BAZ1B: variants seen among roughly 807,000 people sequenced by gnomAD.
The protein encoded by BAZ1B is bromodomain adjacent to zinc finger domain 1B, also known as tyrosine-protein kinase BAZ1B.
A neutral mutation model predicts 153.8 loss-of-function variants in BAZ1B; 22 were observed. The observed-to-expected ratio is 0.14, with a 90% CI of 0.10 to 0.20. The LOEUF (loss-of-function observed/expected upper bound fraction) is 0.20, where lower values mean the gene tolerates loss of function less well. BAZ1B is among the 10% of genes least tolerant of loss of function. The probability of loss-of-function intolerance (pLI) is 1.00; values close to 1 mark genes in which losing one functional copy is unlikely to be tolerated. For synonymous variants in BAZ1B, 676 were observed against 633.4 expected (o/e 1.07, Z -1.01); for missense variants, 1,325 against 1,799.3 (o/e 0.74, Z 4.77).
chr7:73,497,083 A>AAAAAAAAAAAAAAAC (rs1789938059), intron 4 of BAZ1B, among the ~76,000 whole-genome samples: 2 of 150,024 alleles, frequency 1.3e-5, no homozygotes, highest in South Asian at 2.1e-4. Context: ...AAAAAAAAAA[A>AAAAAAAAAAAAAAAC]CCTACAAAAA....
intron 13 of BAZ1B, 119 bp from the exon 14 acceptor site, chr7:73,451,113 A>G (rs1302957581): frequency 7.9e-7 from 1 of 1,258,418 alleles, no homozygotes; most frequent in Admixed American, 2.8e-5. Context: ...GAACTTCACT[A>G]ATCTAAACCA....
chr7:73,514,885 G>T (rs781837297), intron 1 of BAZ1B, among the ~76,000 whole-genome samples: 32 of 151,954 alleles, frequency 2.1e-4, no homozygotes, highest in Non-Finnish European at 3.8e-4. Context: ...TTCAAGACCA[G>T]CCTGGCCAAG....
chr7:73,468,281 C>A (rs1325478362), intron 9 of BAZ1B, among the ~76,000 whole-genome samples: 1 of 152,092 alleles, frequency 6.6e-6, no homozygotes, highest in Non-Finnish European at 1.5e-5. Flanking sequence ...CCACATGTAT[C>A]TGGCAGGATT....
At chr7:73,454,302 GT>G (rs1788119469) in intron 13 of BAZ1B, among the ~76,000 whole-genome samples, 1 of 151,986 alleles carries the variant, frequency 6.6e-6, no homozygotes, top group African/African-American at 2.4e-5. Context: ...ATCCCAAAAA[GT>G]AAAGACATTT....
chr7:73,518,321 G>C (rs1453824803), intron 1 of BAZ1B, among the ~76,000 whole-genome samples: 1 of 151,916 alleles, frequency 6.6e-6, no homozygotes, highest in Non-Finnish European at 1.5e-5. Flanking sequence ...GCTGAGGCAG[G>C]AAAATGGCGT....
At chr7:73,513,427 C>T (rs1215379827) in intron 1 of BAZ1B, among the ~76,000 whole-genome samples, 1 of 152,090 alleles carries the variant, frequency 6.6e-6, no homozygotes, top group African/African-American at 2.4e-5. Context: ...ATCCATTTTC[C>T]TTACAGGGGT....
At chr7:73,454,362 T>C (rs782634275) in intron 13 of BAZ1B, among the ~76,000 whole-genome samples, 32 of 152,252 alleles carry the variant, frequency 2.1e-4, no homozygotes, top group Non-Finnish European at 4.4e-4. Flanking sequence ...CCCAGCAAGA[T>C]AATGACACAC....
chr7:73,461,068 C>T (rs1031180063), intron 12 of BAZ1B, among the ~76,000 whole-genome samples: 4 of 152,016 alleles, frequency 2.6e-5, no homozygotes, highest in East Asian at 1.9e-4. Flanking sequence ...CTCCGCCTCC[C>T]GGGTTTAAGC....
intron 2 of BAZ1B, among the ~76,000 whole-genome samples, chr7:73,509,481 A>C (rs1026899997): frequency 6.6e-6 from 1 of 152,166 alleles, no homozygotes; most frequent in African/African-American, 2.4e-5. Context: ...GCACTTTGAA[A>C]GGCACAGGTG....
intron 3 of BAZ1B, among the ~76,000 whole-genome samples, chr7:73,506,963 C>A (rs1349568570): frequency 1.4e-5 from 2 of 145,708 alleles, no homozygotes; most frequent in Non-Finnish European, 3.0e-5. Flanking sequence ...ACTGCAACCT[C>A]CGCCTCCCAG....
At chr7:73,455,470 T>C (rs1240637017) in intron 13 of BAZ1B, among the ~76,000 whole-genome samples, 1 of 152,174 alleles carries the variant, frequency 6.6e-6, no homozygotes, top group Non-Finnish European at 1.5e-5. Flanking sequence ...TATTTATTAA[T>C]AAGTAATACA....
At chr7:73,455,675 G>T (rs1788169791) in intron 13 of BAZ1B, among the ~76,000 whole-genome samples, 1 of 152,100 alleles carries the variant, frequency 6.6e-6, no homozygotes, top group Admixed American at 6.6e-5. Context: ...CAGGTACTCA[G>T]GGCAGGCTAA....
Position 73,451,007 on chromosome 7 carries a change from C to G in BAZ1B, c.3433-13G>C. On this transcript the variant is annotated splice_polypyrimidine_tract_variant and intron_variant, in intron 13 of 19. Coordinates refer to ENST00000339594, the MANE Select transcript of BAZ1B (RefSeq NM_032408.4). ...GTGCAGATGCAACCTAAACAGAGAC[C>G]AAACCAGGCCAGCATTACTACACTG... The G allele has an allele frequency of 1.2e-6, 2 of 1,613,534 alleles. No homozygotes were observed. The highest frequency in any genetic ancestry group is 8.5e-7 in the Non-Finnish European group (1 of 1,179,572).
At position 73,463,009 on chromosome 7, in the gene BAZ1B, G is replaced by C. The variant is rs1788448296; in HGVS notation, c.3162C>G (p.Phe1054Leu). 6.2e-7 allele frequency: 1 copy of C among 1,613,886 alleles called. No individual in the cohort carries two copies. The highest frequency in any genetic ancestry group is 1.3e-5 in the African/African-American group (1 of 74,882). The change falls in exon 12 of 20, where the codon TTC (phenylalanine) becomes TTG (leucine). Residue 1054 changes from phenylalanine (F) to leucine (L), a missense_variant. Around this residue, in one of 9 missense-constraint regions of BAZ1B, gnomAD observed 431 missense variants for 563.5 expected, o/e 0.76. Transcript: ENST00000339594. ...CAACTTCAATGAGATCACTACGAAGGAAGTTTAAAAGCTCCTGGTTGCCAT... is the reference window on the plus strand; with the variant it reads ...CAACTTCAATGAGATCACTACGAAGCAAGTTTAAAAGCTCCTGGTTGCCAT... ...SCDGNQELLNFLRSDLIEVAT... is the reference protein window; with the variant it reads ...SCDGNQELLNLLRSDLIEVAT...
At chr7:73,485,099 T>G (rs1789352168) in intron 6 of BAZ1B, among the ~76,000 whole-genome samples, 1 of 152,122 alleles carries the variant, frequency 6.6e-6, no homozygotes, top group African/African-American at 2.4e-5. Flanking sequence ...TATCCTTGAT[T>G]TTTTTGTTTT....
At chr7:73,500,257 G>T (rs1790071655) in intron 3 of BAZ1B, among the ~76,000 whole-genome samples, 1 of 152,156 alleles carries the variant, frequency 6.6e-6, no homozygotes, top group South Asian at 2.1e-4. Flanking sequence ...AAAAACACTG[G>T]CCAGGCATGG....
chr7:73,480,504 G>A (rs75143048), intron 6 of BAZ1B, among the ~76,000 whole-genome samples: 112 of 152,272 alleles, frequency 7.4e-4, no homozygotes, highest in African/African-American at 2.6e-3. Flanking sequence ...AAATAACCAA[G>A]TCAAGTAATC....
chr7:73,444,487 G>T (rs139913116), intron 16 of BAZ1B, among the ~76,000 whole-genome samples: 145 of 152,284 alleles, frequency 9.5e-4, no homozygotes, highest in Admixed American at 2.0e-3. Context: ...AGGTCAGCCT[G>T]GATTTCCCAC....
chr7:73,506,064 A>G (rs1314800784), intron 3 of BAZ1B, among the ~76,000 whole-genome samples: 22 of 152,252 alleles, frequency 1.4e-4, no homozygotes, highest in Non-Finnish European at 2.9e-4. Flanking sequence ...TGTCAAGTAC[A>G]TACAGATAGA....
Sources: gnomAD v4.1 joint callset for allele counts (sites outside exome capture counted in the v4.1 genomes callset) on GRCh38, gnomAD v4.1.1 for gene constraint, gnomAD v4.1.1 regional missense constraint, MANE v1.5 for transcripts, NCBI Gene and HGNC (gene_info 2026-07-23, HGNC 2026-07-21) for gene names.